Variants in NIBAN1 observed in about 807,000 individuals in gnomAD.
The protein encoded by NIBAN1 is protein Niban 1.
A neutral mutation model predicts 75.1 loss-of-function variants in NIBAN1; 81 were observed. The ratio of observed to expected loss-of-function variants is 1.08; its 90% CI spans 0.90 to 1.30. The LOEUF (loss-of-function observed/expected upper bound fraction) is 1.30. NIBAN1 is among the 50% of genes most tolerant of loss of function. The probability of loss-of-function intolerance (pLI) is 0.00; values close to 1 mark genes in which losing one functional copy is unlikely to be tolerated. For synonymous variants in NIBAN1, 436 were observed against 424.8 expected (o/e 1.03, Z -0.32); for missense variants, 1,133 against 1,128.1 (o/e 1.00, Z -0.06).
chr1:184,797,830 G>C (rs1196796740), intron 13 of NIBAN1, among the ~76,000 whole-genome samples: 1 of 152,192 alleles, frequency 6.6e-6, no homozygotes, highest in Non-Finnish European at 1.5e-5. Context: ...CCATCTCACA[G>C]CATTCATATT....
At chr1:184,856,701 T>A (rs1655686360) in intron 5 of NIBAN1, among the ~76,000 whole-genome samples, 1 of 152,180 alleles carries the variant, frequency 6.6e-6, no homozygotes, top group Non-Finnish European at 1.5e-5. Flanking sequence ...CAAGATTTGG[T>A]TCATGGGCAT....
Position 184,818,599 on chromosome 1 carries a change from C to A in NIBAN1, c.1173+39G>T, listed in dbSNP as rs753173163. ...AAGCCCCATGGAAAACACAGCCAGG[C>A]AGACCATTCACACCCAGCTCCTCAG... On this transcript the variant is annotated intron_variant, in intron 9 of 13. Coordinates refer to ENST00000367511, the MANE Select transcript of NIBAN1 (RefSeq NM_052966.4). The A allele has an allele frequency of 4.6e-6, 7 of 1,513,130 alleles. No individual in the cohort carries two copies. The African/African-American group carries it at 8.2e-5, about 18-fold the overall frequency. 93.7% of individuals were successfully genotyped at this position (1,513,130 alleles called of 1,614,324 possible). A position where few individuals can be genotyped will look rare whatever the true frequency, so the allele number is the denominator to read the frequency against.
intron 1 of NIBAN1, among the ~76,000 whole-genome samples, chr1:184,907,065 C>T (rs1315441827): frequency 1.3e-5 from 2 of 152,086 alleles, no homozygotes; most frequent in Non-Finnish European, 2.9e-5. Context: ...TTTAGAAAAG[C>T]ACAAAAATGT....
intron 1 of NIBAN1, 60 bp from the exon 2 acceptor site, chr1:184,899,369 G>A: frequency 6.4e-7 from 1 of 1,568,888 alleles, no homozygotes; most frequent in Non-Finnish European, 8.7e-7. Context: ...CCTATCTACA[G>A]AGTTCCAAAA....
intron 1 of NIBAN1, among the ~76,000 whole-genome samples, chr1:184,929,767 G>A (rs747592477): frequency 9.9e-5 from 15 of 152,060 alleles, no homozygotes; most frequent in African/African-American, 1.9e-4. Context: ...CTCCACTAAC[G>A]TGTGGTCAAA....
At chr1:184,961,565 A>G (rs1048022777) in intron 1 of NIBAN1, among the ~76,000 whole-genome samples, 2 of 152,186 alleles carry the variant, frequency 1.3e-5, no homozygotes, top group African/African-American at 4.8e-5. Context: ...CCTACTTAAT[A>G]GCCATCATGC....
intron 5 of NIBAN1, among the ~76,000 whole-genome samples, chr1:184,869,818 G>A (rs577446467): frequency 2.0e-5 from 3 of 152,068 alleles, no homozygotes; most frequent in South Asian, 4.1e-4. Context: ...CTAGGATTAC[G>A]GGCGTGAGCC....
chr1:184,855,141 C>T (rs977076589), intron 5 of NIBAN1, among the ~76,000 whole-genome samples: 7 of 152,116 alleles, frequency 4.6e-5, no homozygotes, highest in African/African-American at 1.7e-4. Flanking sequence ...CATTTCCCTA[C>T]GAATAAGGCA....
At chr1:184,973,418 G>A (rs1328040557) in intron 1 of NIBAN1, among the ~76,000 whole-genome samples, 1 of 152,022 alleles carries the variant, frequency 6.6e-6, no homozygotes. Context: ...TTCTGAAGCC[G>A]AGGGTGGGGG....
chr1:184,864,445 T>C (rs1019095472), intron 5 of NIBAN1, among the ~76,000 whole-genome samples: 2 of 152,184 alleles, frequency 1.3e-5, no homozygotes, highest in Non-Finnish European at 2.9e-5. Flanking sequence ...CAAGTGTGAA[T>C]TACACATTTG....
intron 1 of NIBAN1, among the ~76,000 whole-genome samples, chr1:184,903,892 A>C (rs532374338): frequency 6.7e-6 from 1 of 148,826 alleles, no homozygotes. Flanking sequence ...GCGTGCCACC[A>C]CACTTATTAT....
chr1:184,814,730 C>T (rs1654479363), intron 9 of NIBAN1, among the ~76,000 whole-genome samples: 1 of 152,200 alleles, frequency 6.6e-6, no homozygotes, highest in Non-Finnish European at 1.5e-5. Context: ...CATGCTAAAT[C>T]AGCCAATACT....
rs144769913 is a variant in NIBAN1, at chr1:184,969,136, A to G, written c.55+5166T>C. On this transcript the variant is annotated intron_variant, in intron 1 of 13. Coordinates refer to ENST00000367511, the MANE Select transcript of NIBAN1 (RefSeq NM_052966.4). ...GTTTGGGAAATATCTTTATTATGGG[A>G]GTTCATGTGGACAGCTAAAATTTGG... is the stretch of plus-strand genomic sequence containing the variant. Among the ~76,000 whole-genome samples, 34 of 152,356 alleles carry G rather than the reference A, an allele frequency of 2.2e-4. No homozygotes were observed. In the East Asian group the frequency reaches 4.2e-3, roughly 19 times the overall value.
chr1:184,962,873 AT>A (rs1172656079), intron 1 of NIBAN1, among the ~76,000 whole-genome samples: 1 of 152,212 alleles, frequency 6.6e-6, no homozygotes, highest in African/African-American at 2.4e-5. Context: ...AAAGGAAAAA[AT>A]AATGTTTTTT....
intron 5 of NIBAN1, among the ~76,000 whole-genome samples, chr1:184,845,000 A>G (rs1655396360): frequency 6.6e-6 from 1 of 152,238 alleles, no homozygotes; most frequent in South Asian, 2.1e-4. Flanking sequence ...CAATAAAGAT[A>G]ATGTCTACAT....
At chr1:184,805,224 AG>A (rs1654162276) in intron 11 of NIBAN1, among the ~76,000 whole-genome samples, 1 of 152,214 alleles carries the variant, frequency 6.6e-6, no homozygotes, top group South Asian at 2.1e-4. Flanking sequence ...GGCAATGTTT[AG>A]GGGAACTAGA....
chr1:184,954,519 T>C (rs1658434105), intron 1 of NIBAN1, among the ~76,000 whole-genome samples: 1 of 152,228 alleles, frequency 6.6e-6, no homozygotes, highest in East Asian at 1.9e-4. Context: ...TCTGGGTTAA[T>C]GAGGGAGTCA....
intron 5 of NIBAN1, among the ~76,000 whole-genome samples, chr1:184,836,074 G>A (rs113389167): frequency 1.2e-3 from 177 of 152,278 alleles, no homozygotes; most frequent in African/African-American, 4.1e-3. Flanking sequence ...CTTGGCAAGT[G>A]ATTTAATGTT....
At chr1:184,860,556 CAG>C (rs1182214263) in intron 5 of NIBAN1, among the ~76,000 whole-genome samples, 8 of 152,042 alleles carry the variant, frequency 5.3e-5, no homozygotes, top group African/African-American at 1.9e-4. Context: ...AAAATCCTAA[CAG>C]TGTATATATA....
Sources: allele counts gnomAD v4.1 joint callset (sites outside exome capture counted in the v4.1 genomes callset), GRCh38; gene constraint gnomAD v4.1.1; transcripts MANE v1.5; gene names NCBI Gene and HGNC (gene_info 2026-07-23, HGNC 2026-07-21).